JAKMIP3: variants seen among roughly 807,000 people sequenced by gnomAD.
JAKMIP3 encodes janus kinase and microtubule-interacting protein 3.
In JAKMIP3, 58 loss-of-function variants were observed where a neutral mutation model predicts 118.5. The ratio of observed to expected loss-of-function variants is 0.49; its 90% CI spans 0.40 to 0.61. The LOEUF is 0.61. Among genes scored for constraint, JAKMIP3 ranks in the 20% least tolerant of loss-of-function variants. The pLI, the probability that JAKMIP3 is intolerant of heterozygous loss-of-function variation, is 0.00. For missense variants in JAKMIP3, 950 were observed against 1,109.0 expected, an observed-to-expected ratio of 0.86 and a Z score of 2.04; for synonymous variants, 486 against 451.2, an observed-to-expected ratio of 1.08 and a Z score of -0.98.
chr10:132,140,435 G>T lies in JAKMIP3; in HGVS notation c.1345-16G>T. On this transcript the variant is annotated splice_polypyrimidine_tract_variant and intron_variant, in intron 9 of 23. Coordinates refer to ENST00000684848, the MANE Select transcript of JAKMIP3 (RefSeq NM_001323087.2). ...TGGGTCTGGTTTGAACTGACACGTC[G>T]CATTTTGGTCACAAGCCGGTGGTTG... The T allele has an allele frequency of 6.2e-7, 1 of 1,613,340 alleles. No homozygotes were observed. Among genetic ancestry groups the T allele is most frequent in the Non-Finnish European group, 8.5e-7 (1 of 1,179,732 alleles).
At chr10:132,077,007 C>T (rs575005092) in intron 1 of JAKMIP3, among the ~76,000 whole-genome samples, 6 of 151,012 alleles carry the variant, frequency 4.0e-5, no homozygotes, top group South Asian at 2.1e-4. Flanking sequence ...GGTCTTACCG[C>T]GTGAGGGCTG....
At chr10:132,048,662 C>CTTT (rs1366816957) in intron 1 of JAKMIP3, among the ~76,000 whole-genome samples, 3 of 99,322 alleles carry the variant, frequency 3.0e-5, no homozygotes, top group African/African-American at 4.3e-5. Flanking sequence ...TTGACTGTTT[C>CTTT]TTTTCTTTTT....
rs1384224120 is a variant in JAKMIP3, at chr10:132,099,493, C to T, written c.-137-5179C>T. On this transcript the variant is annotated intron_variant, in intron 1 of 23. Coordinates refer to ENST00000684848, the MANE Select transcript of JAKMIP3 (RefSeq NM_001323087.2). ...TAAGGAAAGTATGAAGGTGCAGTCC[C>T]GGTCTGAAACTGACCGCGAAGCCCA... Among the ~76,000 whole-genome samples, 5 of 152,144 alleles carry T rather than the reference C, an allele frequency of 3.3e-5. No homozygotes were observed. The East Asian group carries it at 5.8e-4, about 18-fold the overall frequency.
rs1399402519 is a variant in JAKMIP3 at position 132,184,329 on chromosome 10, G to A, written c.*3076G>A. On this transcript the variant is annotated 3_prime_UTR_variant, in exon 24 of 24. Coordinates refer to ENST00000684848, the MANE Select transcript of JAKMIP3 (RefSeq NM_001323087.2). ...GGGCTTGTGAACACCGATACTAGAA[G>A]TCAAAAAGAAGAGAGTGCCCAAGTG... 1 of 152,178 alleles carries A rather than the reference G, an allele frequency of 6.6e-6. No individual in the cohort carries two copies. Among genetic ancestry groups the A allele is most frequent in the Non-Finnish European group, 1.5e-5 (1 of 68,034 alleles). The allele number at this position is 152,178 out of a possible 1,614,324, so 9.4% of individuals were successfully genotyped here.
intron 1 of JAKMIP3, among the ~76,000 whole-genome samples, chr10:132,046,134 C>T (rs2037907328): frequency 6.6e-6 from 1 of 152,034 alleles, no homozygotes; most frequent in South Asian, 2.1e-4. Flanking sequence ...CAGATGCATT[C>T]AGCCACTCTC....
chr10:132,039,075 C>T (rs765125002), intron 1 of JAKMIP3, among the ~76,000 whole-genome samples: 1 of 152,242 alleles, frequency 6.6e-6, no homozygotes, highest in African/African-American at 2.4e-5. Context: ...GTACAGACAT[C>T]GCCTAAAATC....
intron 2 of JAKMIP3, among the ~76,000 whole-genome samples, chr10:132,109,750 G>A (rs2046563337): frequency 6.6e-6 from 1 of 152,222 alleles, no homozygotes; most frequent in South Asian, 2.1e-4. Context: ...TAGCTTCTGT[G>A]TGGTCAGAAA....
rs965028566 is a variant in JAKMIP3 at position 132,166,226 on chromosome 10, C to T, written c.2491-757C>T. On this transcript the variant is annotated intron_variant, in intron 21 of 23. Transcript: ENST00000684848. Reference sequence around the variant, plus strand: ...CTATAATCTCCGTTACTCAGGGGGCCGAGGTGGGAGGATCACCTGAGCCTG... The same window carrying T: ...CTATAATCTCCGTTACTCAGGGGGCTGAGGTGGGAGGATCACCTGAGCCTG... Among the ~76,000 whole-genome samples, 5 of 152,092 alleles carry T rather than the reference C, an allele frequency of 3.3e-5. No individual in the cohort carries two copies. In the East Asian group the frequency reaches 5.8e-4, roughly 18 times the overall value.
At chr10:132,171,827 G>A (rs991360675) in intron 23 of JAKMIP3, among the ~76,000 whole-genome samples, 3 of 151,910 alleles carry the variant, frequency 2.0e-5, no homozygotes, top group Admixed American at 6.6e-5. Context: ...GCTAATTTTT[G>A]TATTTTTAGT....
chr10:132,155,170 A>C (rs1354427233), intron 19 of JAKMIP3, among the ~76,000 whole-genome samples: 1 of 144,996 alleles, frequency 6.9e-6, no homozygotes, highest in African/African-American at 2.6e-5. Flanking sequence ...CAGTGGTGGT[A>C]GTGGTGGTGA....
chr10:132,056,667 C>T lies in JAKMIP3; in HGVS notation c.-138+19929C>T, dbSNP rs115681591. On this transcript the variant is annotated intron_variant, in intron 1 of 23. Transcript: ENST00000657785. ...TGTCATTTTCTTTTTGTGAGGCCAC[C>T]GAAGCTGCCAGCAGAAGCCCTCTGA... Among the ~76,000 whole-genome samples the T allele has an allele frequency of 4.3e-3, 659 of 152,294 alleles. 3 individuals carry two copies. Among genetic ancestry groups the T allele is most frequent in the African/African-American group, 0.015 (613 of 41,542 alleles).
intron 9 of JAKMIP3, among the ~76,000 whole-genome samples, chr10:132,139,417 T>TGCGC (rs548970836): frequency 1.1e-5 from 1 of 90,088 alleles, no homozygotes; most frequent in African/African-American, 3.9e-5. Context: ...TATGTGTGAG[T>TGCGC]GTGTGTGTGT....
chr10:132,150,169 A>C (rs1001534068), intron 16 of JAKMIP3, 128 bp downstream of exon 16: 1 of 680,892 alleles, frequency 1.5e-6, no homozygotes, highest in Non-Finnish European at 2.5e-6. Context: ...GAGACCCTCC[A>C]CTAGGCCCAG....
intron 3 of JAKMIP3, among the ~76,000 whole-genome samples, chr10:132,122,505 G>A (rs903402155): frequency 3.3e-5 from 5 of 152,256 alleles, no homozygotes; most frequent in Admixed American, 2.0e-4. Context: ...CAGGGACTGG[G>A]CAGGGGCAGA....
At chr10:132,089,973 G>C (rs185355458) in intron 1 of JAKMIP3, among the ~76,000 whole-genome samples, 302 of 152,292 alleles carry the variant, frequency 2.0e-3, no homozygotes, top group Middle Eastern at 3.4e-3. Context: ...TAACCACGTG[G>C]TTTTTGTCTT....
chr10:132,152,274 G>A (rs1451042190), intron 16 of JAKMIP3, among the ~76,000 whole-genome samples: 1 of 152,232 alleles, frequency 6.6e-6, no homozygotes, highest in Non-Finnish European at 1.5e-5. Context: ...ACTCTAGGGA[G>A]AGAATGGCAT....
chr10:132,082,525 A>C (rs2041905002), intron 1 of JAKMIP3, among the ~76,000 whole-genome samples: 1 of 152,158 alleles, frequency 6.6e-6, no homozygotes, highest in Non-Finnish European at 1.5e-5. Flanking sequence ...AATAATCTAC[A>C]GTCTCCTCCA....
At position 132,117,086 on chromosome 10, in the gene JAKMIP3, G is replaced by A; in HGVS notation, c.145G>A (p.Val49Met). Reference protein sequence around the residue: ...LQQEKSKVSKVEREKNQELRQ... With the variant: ...LQQEKSKVSKMEREKNQELRQ... ...CGCTGTTGTCTTTCAGGTCAGCAAA[G>A]TGGAACGCGAGAAGAACCAGGAGCT... Residue 49 changes from valine (V) to methionine (M), a missense_variant, in exon 3 of 24, where the codon GTG becomes ATG. Physicochemically the swap from Val to Met is conservative, Grantham distance 21 (BLOSUM62 1). Coordinates refer to ENST00000684848, the MANE Select transcript of JAKMIP3 (RefSeq NM_001323087.2). The surrounding 1 kb of genome is among the most constrained non-coding windows in gnomAD (Gnocchi z 8.6). 2 of 1,606,846 alleles carry A rather than the reference G, an allele frequency of 1.2e-6. No individual in the cohort carries two copies. The highest frequency in any genetic ancestry group is 2.2e-5 in the South Asian group (2 of 90,776).
At chr10:132,175,007 G>A (rs555379631) in intron 23 of JAKMIP3, among the ~76,000 whole-genome samples, 29 of 152,198 alleles carry the variant, frequency 1.9e-4, no homozygotes, top group African/African-American at 5.8e-4. Context: ...TTCTGGATAC[G>A]TGCCATTATC....
Sources: gnomAD v4.1 joint callset for allele counts (sites outside exome capture counted in the v4.1 genomes callset) on GRCh38, gnomAD v4.1.1 for gene constraint, Gnocchi (gnomAD v3.1) non-coding constraint, MANE v1.5 for transcripts, NCBI Gene and HGNC (gene_info 2026-07-23, HGNC 2026-07-21) for gene names.